Variants in EXOG observed in about 807,000 individuals in gnomAD.
EXOG encodes the protein nuclease EXOG, mitochondrial.
A neutral mutation model predicts 25.8 loss-of-function variants in EXOG; 27 were observed. The observed-to-expected ratio is 1.05, with a 90% CI of 0.77 to 1.45. EXOG has a LOEUF of 1.45. EXOG is among the 40% of genes most tolerant of loss of function. The pLI is 0.00. For missense variants in EXOG, 458 were observed against 450.5 expected (o/e 1.02, Z -0.15); for synonymous variants, 133 against 167.0 (o/e 0.80, Z 1.57).
At chr3:38,504,762 A>C (rs1312929441) in intron 4 of EXOG, among the ~76,000 whole-genome samples, 4 of 152,140 alleles carry the variant, frequency 2.6e-5, no homozygotes, top group Admixed American at 1.3e-4. Flanking sequence ...ATAGAACCTA[A>C]CTATAAAATA....
chr3:38,509,365 G>GCACAACA (rs2060300032), intron 5 of EXOG, among the ~76,000 whole-genome samples: 7 of 152,078 alleles, frequency 4.6e-5, no homozygotes, highest in African/African-American at 1.7e-4. Context: ...ATTTTTGTGT[G>GCACAACA]GCTATTTCTG....
At chr3:38,519,212 A>G (rs1202007076) in intron 5 of EXOG, 1 of 152,222 alleles carries the variant, frequency 6.6e-6, no homozygotes, top group Non-Finnish European at 1.5e-5. Flanking sequence ...ATTTTATCAG[A>G]AGTGAGTCAT....
rs2060113868 is a variant in EXOG at position 38,503,641 on chromosome 3, T to C, written c.480T>C (p.Leu160=). 1 of 1,607,472 alleles carries C rather than the reference T, an allele frequency of 6.2e-7. No homozygotes were observed. ...AAGCCATGGCTGAAACCTTTTACCT[T>C]TCTAACATTGTGCCTCAGGATTTTG... The part of the protein sequence containing the change: ...SSKAMAETFY[L]SNIVPQDFDN... Residue 160 remains leucine (L), a synonymous_variant, in exon 4 of 6, where the codon CTT becomes CTC. Transcript: ENST00000287675.
At chr3:38,497,801 T>G (rs745910450) in intron 2 of EXOG, 23 bp downstream of exon 2, 1 of 1,582,178 alleles carries the variant, frequency 6.3e-7, no homozygotes, top group Non-Finnish European at 8.5e-7. Flanking sequence ...ATAAAAAAAC[T>G]GAAGTAACAG....
rs2060856646 is a variant in EXOG at position 38,525,850 on chromosome 3, G to A, written c.*1488G>A. 1 of 443,822 alleles carries A rather than the reference G, an allele frequency of 2.3e-6. No individual in the cohort carries two copies. Among genetic ancestry groups the A allele is most frequent in the Admixed American group, 6.4e-5 (1 of 15,592 alleles). The allele number at this position is 443,822 out of a possible 1,614,324, so 27.5% of individuals were successfully genotyped here. A position where few individuals can be genotyped will look rare whatever the true frequency, so the allele number is the denominator to read the frequency against. On this transcript the variant is annotated 3_prime_UTR_variant, in exon 6 of 6. Transcript: ENST00000287675. ...TCCCAGCTACTCGGGAGGCTGAAAT[G>A]GGAGGATTGCTTGAGCCTGGCAGGT...
chr3:38,520,519 C>T (rs1383400769), intron 5 of EXOG, among the ~76,000 whole-genome samples: 1 of 152,194 alleles, frequency 6.6e-6, no homozygotes, highest in East Asian at 1.9e-4. Flanking sequence ...TTGTTACAGA[C>T]ATCATTTGTG....
chr3:38,513,247 A>C (rs938631056), intron 5 of EXOG, among the ~76,000 whole-genome samples: 3 of 152,232 alleles, frequency 2.0e-5, no homozygotes, highest in African/African-American at 7.2e-5. Context: ...AAGAGTATCA[A>C]CCTTCTCCTT....
chr3:38,497,539 C>G, intron 1 of EXOG, 90 bp from the exon 2 acceptor site: 1 of 1,458,922 alleles, frequency 6.9e-7, no homozygotes, highest in Non-Finnish European at 9.0e-7. Flanking sequence ...TCTCCTTTTC[C>G]TTATAATCTT....
chr3:38,505,330 G>A (rs1322562806), intron 4 of EXOG: 1 of 151,132 alleles, frequency 6.6e-6, no homozygotes, highest in East Asian at 1.9e-4. Flanking sequence ...TTGTCCTAGA[G>A]TTTCCTTTCC....
At chr3:38,496,975 G>T (rs1984312) in intron 1 of EXOG, 484,983 of 1,066,916 alleles carry the variant, frequency 0.45, 115,688 homozygotes, top group African/African-American at 0.78. Flanking sequence ...TTTAGTAGAT[G>T]AGTTAACTGC....
intron 4 of EXOG, among the ~76,000 whole-genome samples, chr3:38,505,283 T>C (rs1228297562): frequency 2.6e-5 from 4 of 152,004 alleles, no homozygotes; most frequent in Non-Finnish European, 5.9e-5. Context: ...TTTTTTTTTT[T>C]CCTCCATTCA....
At chr3:38,514,766 C>CA (rs1195138167) in intron 5 of EXOG, among the ~76,000 whole-genome samples, 1 of 120,272 alleles carries the variant, frequency 8.3e-6, no homozygotes, top group African/African-American at 3.9e-5. Flanking sequence ...CACCCTCCCC[C>CA]CCCTCCCCCT....
At chr3:38,499,863 A>T (rs1447857241) in intron 2 of EXOG, 2 of 358,006 alleles carry the variant, frequency 5.6e-6, no homozygotes, top group African/African-American at 4.3e-5. Flanking sequence ...AGAAAGCGAG[A>T]ATCCAAAGAG....
chr3:38,502,691 CT>C (rs1384755523), intron 3 of EXOG, among the ~76,000 whole-genome samples: 1 of 152,098 alleles, frequency 6.6e-6, no homozygotes, highest in Admixed American at 6.5e-5. Context: ...GTATAGTCAG[CT>C]TTCCCACATG....
intron 5 of EXOG, chr3:38,519,519 T>A (rs1206336597): frequency 6.6e-6 from 1 of 152,228 alleles, no homozygotes; most frequent in African/African-American, 2.4e-5. Flanking sequence ...TCAGGAGTCT[T>A]GAGACATCAT....
chr3:38,516,714 A>G (rs1325648075), intron 5 of EXOG, among the ~76,000 whole-genome samples: 7 of 152,172 alleles, frequency 4.6e-5, no homozygotes, highest in Admixed American at 3.3e-4. Context: ...TCAGTATCCA[A>G]CCAGGATTGA....
chr3:38,514,471 C>T (rs770928499), intron 5 of EXOG, among the ~76,000 whole-genome samples: 4 of 152,068 alleles, frequency 2.6e-5, no homozygotes, highest in Non-Finnish European at 5.9e-5. Context: ...AACCCTGGAG[C>T]ACTTGGACAT....
At chr3:38,518,956 G>T (rs1354805246) in intron 5 of EXOG, among the ~76,000 whole-genome samples, 1 of 152,178 alleles carries the variant, frequency 6.6e-6, no homozygotes, top group Non-Finnish European at 1.5e-5. Flanking sequence ...AAGCGCTCAA[G>T]TTTATAGTAA....
In EXOG at chr3:38,524,529, C is replaced by A; in HGVS notation, c.*167C>A. ...GGAGTGCAGTGGTGGAATCATAGCTCACTATAGCCTCAAACTTCTGGGCTT... is the reference window on the plus strand; with the variant it reads ...GGAGTGCAGTGGTGGAATCATAGCTAACTATAGCCTCAAACTTCTGGGCTT... On this transcript the variant is annotated 3_prime_UTR_variant, in exon 6 of 6. Coordinates refer to ENST00000287675, the MANE Select transcript of EXOG (RefSeq NM_005107.4). 3.8e-6 allele frequency: 5 copies of A among 1,322,788 alleles called. No homozygotes were observed. The South Asian group carries it at 8.5e-5, about 23-fold the overall frequency. The allele number at this position is 1,322,788 out of a possible 1,614,324, so 81.9% of individuals were successfully genotyped here.
Sources: gnomAD v4.1 joint callset for allele counts (sites outside exome capture counted in the v4.1 genomes callset) on GRCh38, gnomAD v4.1.1 for gene constraint, MANE v1.5 for transcripts, NCBI Gene and HGNC (gene_info 2026-07-23, HGNC 2026-07-21) for gene names.